NCAM2: variants seen among roughly 807,000 people sequenced by gnomAD.
The protein encoded by NCAM2 is N-CAM-2.
In NCAM2, 30 loss-of-function variants were observed where a neutral mutation model predicts 98.1. That is an observed-to-expected ratio of 0.31 (90% CI 0.23 to 0.41). The LOEUF (loss-of-function observed/expected upper bound fraction) is 0.41. Among genes scored for constraint, NCAM2 ranks in the 10% least tolerant of loss-of-function variants. The pLI is 1.00. For missense variants in NCAM2, 867 were observed against 1,005.8 expected, an observed-to-expected ratio of 0.86 and a Z score of 1.87; for synonymous variants, 368 against 342.4, an observed-to-expected ratio of 1.07 and a Z score of -0.83.
rs548093741 is a variant in NCAM2, at chr21:21,430,394, T to TTATATATATATAATAATATA, written c.1481-1705_1481-1704insATAATAATATATATATATAT. On this transcript the variant is annotated intron_variant, in intron 11 of 17. Coordinates refer to ENST00000400546, the MANE Select transcript of NCAM2 (RefSeq NM_004540.5). Reference sequence around the variant, plus strand: ...TGTACTGCATATTTATCAGTCAAGTTTATATATATTAGCCCATTCTCACAC... The same window carrying TTATATATATATAATAATATA: ...TGTACTGCATATTTATCAGTCAAGTTTATATATATATAATAATATATATATATATTAGCCCATTCTCACAC... 4.8e-5 allele frequency among the ~76,000 whole-genome samples: 6 copies of TTATATATATATAATAATATA among 125,034 alleles called. 1 individual carries two copies. In the East Asian group the frequency reaches 2.0e-3, roughly 41 times the overall value. 82.0% of individuals were successfully genotyped at this position (125,034 alleles called of 152,430 possible).
At chr21:21,429,010 T>G (rs1258332127) in intron 11 of NCAM2, among the ~76,000 whole-genome samples, 2 of 152,164 alleles carry the variant, frequency 1.3e-5, no homozygotes, top group Non-Finnish European at 2.9e-5. Flanking sequence ...AACTTACAAT[T>G]TAGTAGTCAG....
chr21:21,226,041 C>A (rs2070368161), intron 1 of NCAM2, among the ~76,000 whole-genome samples: 1 of 151,960 alleles, frequency 6.6e-6, no homozygotes, highest in South Asian at 2.1e-4. Context: ...TTTTCGTAAG[C>A]AAATTAACGC....
In NCAM2 at chr21:21,508,981, T is replaced by C; in HGVS notation, c.2208T>C (p.Thr736=). The change falls in exon 16 of 18, where the codon ACT becomes ACC. Residue 736 remains threonine (T), a synonymous_variant. Transcript: ENST00000400546. ...AATGTGGGTTGCTGATGTGCATCAC[T>C]AGGAGAATGTGTGGAAAGAAAAGTG... ...IRQCGLLMCI[T]RRMCGKKSGS... The C allele has an allele frequency of 6.2e-7, 1 of 1,613,672 alleles. No individual in the cohort carries two copies. The highest frequency in any genetic ancestry group is 8.5e-7 in the Non-Finnish European group (1 of 1,179,798).
chr21:21,499,874 T>A (rs372129556), intron 15 of NCAM2, among the ~76,000 whole-genome samples: 4 of 152,292 alleles, frequency 2.6e-5, no homozygotes, highest in Non-Finnish European at 4.4e-5. Flanking sequence ...TTGTATTATA[T>A]GGACCACAAA....
intron 1 of NCAM2, among the ~76,000 whole-genome samples, chr21:21,219,882 A>G (rs1404157279): frequency 2.0e-5 from 3 of 152,118 alleles, no homozygotes; most frequent in Non-Finnish European, 2.9e-5. Context: ...TCTGATCTTG[A>G]TCCTAGGCTA....
intron 15 of NCAM2, among the ~76,000 whole-genome samples, chr21:21,501,630 T>TC (rs1987643249): frequency 6.9e-6 from 1 of 143,974 alleles, no homozygotes; most frequent in East Asian, 2.1e-4. Flanking sequence ...TTTTTTTTTT[T>TC]GCTATGTAGC....
intron 1 of NCAM2, among the ~76,000 whole-genome samples, chr21:21,068,135 CTTTTTTTTTT>C (rs68078560): frequency 3.4e-5 from 3 of 88,578 alleles, no homozygotes; most frequent in Middle Eastern, 6.4e-3. Context: ...ACTTTTTTTT[CTTTTTTTTTT>C]TTTTTTTTTG....
intron 1 of NCAM2, among the ~76,000 whole-genome samples, chr21:21,238,797 G>T (rs973331550): frequency 1.3e-5 from 2 of 152,074 alleles, no homozygotes; most frequent in Non-Finnish European, 2.9e-5. Flanking sequence ...TAATCAACTA[G>T]AAGTTCAAAG....
intron 16 of NCAM2, among the ~76,000 whole-genome samples, chr21:21,532,926 T>G (rs769786409): frequency 3.3e-5 from 5 of 152,084 alleles, no homozygotes; most frequent in Non-Finnish European, 7.4e-5. Flanking sequence ...TACAGACATC[T>G]GATTTTCAGA....
intron 1 of NCAM2, among the ~76,000 whole-genome samples, chr21:21,002,150 T>C (rs1381163670): frequency 2.0e-5 from 3 of 152,136 alleles, no homozygotes. Context: ...ATTAATATCT[T>C]TATTGTCAGA....
chr21:21,027,353 A>G (rs934200701), intron 1 of NCAM2, among the ~76,000 whole-genome samples: 4 of 152,228 alleles, frequency 2.6e-5, no homozygotes, highest in African/African-American at 9.6e-5. Flanking sequence ...TGGTAGCATT[A>G]TGATAGAAAT....
Position 21,541,608 on chromosome 21 carries a change from A to G in NCAM2, c.*3651A>G, listed in dbSNP as rs1944006348. On this transcript the variant is annotated 3_prime_UTR_variant, in exon 18 of 18. Transcript: ENST00000400546. Reference sequence around the variant, plus strand: ...TTCTTGGGTCTTCATTATTCCATTTATATATATTTTTTATTTCGAATAATA... The same window carrying G: ...TTCTTGGGTCTTCATTATTCCATTTGTATATATTTTTTATTTCGAATAATA... The G allele has an allele frequency of 6.6e-6, 1 of 151,764 alleles. No individual in the cohort carries two copies. The highest frequency in any genetic ancestry group is 2.1e-4 in the South Asian group (1 of 4,830). 9.4% of individuals were successfully genotyped at this position (151,764 alleles called of 1,614,324 possible).
intron 9 of NCAM2, among the ~76,000 whole-genome samples, chr21:21,387,104 A>T (rs779941888): frequency 6.6e-6 from 1 of 151,434 alleles, no homozygotes; most frequent in Admixed American, 6.6e-5. Context: ...GGAGATTAGG[A>T]TGCTAGCACG....
chr21:21,217,719 C>T (rs981535862), intron 1 of NCAM2, among the ~76,000 whole-genome samples: 2 of 152,018 alleles, frequency 1.3e-5, no homozygotes, highest in Admixed American at 6.6e-5. Flanking sequence ...TGTTTACAAG[C>T]AGCAGAGGAA....
At chr21:21,192,905 C>T (rs1568747402) in intron 1 of NCAM2, among the ~76,000 whole-genome samples, 1 of 152,096 alleles carries the variant, frequency 6.6e-6, no homozygotes. Context: ...ATCTGTACAT[C>T]CTAGTGTCGT....
chr21:21,442,224 G>A (rs1979397029), intron 12 of NCAM2, among the ~76,000 whole-genome samples: 1 of 152,050 alleles, frequency 6.6e-6, no homozygotes, highest in Non-Finnish European at 1.5e-5. Flanking sequence ...CAGTTCAGAG[G>A]CAATGGTGGT....
At chr21:21,444,295 T>C (rs907200633) in intron 12 of NCAM2, among the ~76,000 whole-genome samples, 1 of 152,186 alleles carries the variant, frequency 6.6e-6, no homozygotes, top group Non-Finnish European at 1.5e-5. Flanking sequence ...TGAAGCTTTC[T>C]TTTTCTGTTG....
chr21:21,530,720 T>C (rs561072796), intron 16 of NCAM2, among the ~76,000 whole-genome samples: 1 of 152,074 alleles, frequency 6.6e-6, no homozygotes, highest in Non-Finnish European at 1.5e-5. Context: ...GTGTTAGATA[T>C]AATAAAGTAT....
chr21:21,282,614 G>A (rs939420279), intron 2 of NCAM2, among the ~76,000 whole-genome samples: 7 of 151,272 alleles, frequency 4.6e-5, no homozygotes, highest in African/African-American at 9.7e-5. Flanking sequence ...ATTTCCAGAC[G>A]CCTTAAAAAT....
Sources: gnomAD v4.1 joint callset for allele counts (sites outside exome capture counted in the v4.1 genomes callset) on GRCh38, gnomAD v4.1.1 for gene constraint, MANE v1.5 for transcripts, NCBI Gene and HGNC (gene_info 2026-07-23, HGNC 2026-07-21) for gene names.